Variants in EFNA5 observed in about 807,000 individuals in gnomAD.
EFNA5 encodes the protein ephrin A5.
In EFNA5, 5 loss-of-function variants were observed where a neutral mutation model predicts 22.9. The ratio of observed to expected loss-of-function variants is 0.22; its 90% CI spans 0.11 to 0.46. EFNA5 has a LOEUF of 0.46. Ranked by LOEUF, EFNA5 falls within the 20% of genes least tolerant of loss-of-function variation. The pLI is 0.99. For synonymous variants in EFNA5, 113 were observed against 112.2 expected (o/e 1.01, Z -0.04); for missense variants, 237 against 293.3 (o/e 0.81, Z 1.40).
intron 1 of EFNA5, among the ~76,000 whole-genome samples, chr5:107,460,345 CAT>C (rs1348651247): frequency 6.6e-6 from 1 of 152,096 alleles, no homozygotes; most frequent in Non-Finnish European, 1.5e-5. Context: ...ATTTCTGCTC[CAT>C]GTCTTCTATT....
At chr5:107,478,240 A>G (rs1750364204) in intron 1 of EFNA5, among the ~76,000 whole-genome samples, 1 of 152,204 alleles carries the variant, frequency 6.6e-6, no homozygotes, top group African/African-American at 2.4e-5. Context: ...ACGGAGAAAG[A>G]GGAGGCAGGC....
At chr5:107,450,450 A>G (rs1232144923) in intron 1 of EFNA5, among the ~76,000 whole-genome samples, 3 of 152,140 alleles carry the variant, frequency 2.0e-5, no homozygotes, top group Admixed American at 6.6e-5. Context: ...GTCGACTAAT[A>G]TTTTCTCCTC....
chr5:107,515,029 C>T (rs1444698396), intron 1 of EFNA5, among the ~76,000 whole-genome samples: 1 of 152,146 alleles, frequency 6.6e-6, no homozygotes, highest in East Asian at 1.9e-4. Context: ...GATGGCAGCT[C>T]CATCTTCCTT....
intron 2 of EFNA5, among the ~76,000 whole-genome samples, chr5:107,397,561 G>A (rs78536582): frequency 1.3e-5 from 2 of 151,888 alleles, no homozygotes; most frequent in African/African-American, 4.8e-5. Flanking sequence ...AAAAAAAAGG[G>A]TGGGGGTAAT....
chr5:107,511,705 C>T (rs1580504537), intron 1 of EFNA5, among the ~76,000 whole-genome samples: 2 of 152,004 alleles, frequency 1.3e-5, no homozygotes, highest in African/African-American at 4.8e-5. Context: ...AATAGCATAG[C>T]TCTAAATTCA....
intron 1 of EFNA5, among the ~76,000 whole-genome samples, chr5:107,509,601 G>A (rs889403046): frequency 1.3e-5 from 2 of 151,416 alleles, no homozygotes; most frequent in Admixed American, 1.3e-4. Flanking sequence ...AAAGTGCTGG[G>A]GTTACAGGCA....
At chr5:107,593,304 G>T (rs771193096) in intron 1 of EFNA5, among the ~76,000 whole-genome samples, 1 of 152,104 alleles carries the variant, frequency 6.6e-6, no homozygotes. Context: ...GCACAGGACC[G>T]GACTTCAGTA....
chr5:107,464,151 C>T (rs1032159527), intron 1 of EFNA5, among the ~76,000 whole-genome samples: 7 of 152,148 alleles, frequency 4.6e-5, no homozygotes, highest in Admixed American at 6.5e-5. Flanking sequence ...CACCCTGCCC[C>T]TAACCTCCTA....
intron 1 of EFNA5, among the ~76,000 whole-genome samples, chr5:107,638,858 A>T (rs1750442322): frequency 6.6e-6 from 1 of 152,090 alleles, no homozygotes; most frequent in Non-Finnish European, 1.5e-5. Context: ...ACAAAAAAAT[A>T]AGTATGTGAA....
chr5:107,637,496 C>CTG (rs61667880), intron 1 of EFNA5, among the ~76,000 whole-genome samples: 316 of 148,224 alleles, frequency 2.1e-3, no homozygotes, highest in African/African-American at 6.1e-3. Context: ...CAGCAAGGCA[C>CTG]TGTGTGTGTG....
chr5:107,594,896 C>G (rs1192005039), intron 1 of EFNA5, among the ~76,000 whole-genome samples: 6 of 152,208 alleles, frequency 3.9e-5, no homozygotes, highest in Admixed American at 6.5e-5. Flanking sequence ...TTCTCATGAC[C>G]TGGATACCAA....
intron 1 of EFNA5, among the ~76,000 whole-genome samples, chr5:107,502,936 G>A (rs1747167906): frequency 6.6e-6 from 1 of 152,160 alleles, no homozygotes; most frequent in Admixed American, 6.5e-5. Context: ...TCAACAGATG[G>A]TCTCTGGCTA....
chr5:107,406,144 T>C (rs188497610), intron 2 of EFNA5, among the ~76,000 whole-genome samples: 1 of 144,954 alleles, frequency 6.9e-6, no homozygotes, highest in East Asian at 2.0e-4. Flanking sequence ...TACAAATACA[T>C]GTATTTGTAT....
chr5:107,663,254 C>CA (rs1220647343), intron 1 of EFNA5, among the ~76,000 whole-genome samples: 4 of 151,884 alleles, frequency 2.6e-5, no homozygotes, highest in Non-Finnish European at 5.9e-5. Flanking sequence ...AACTGAAAGC[C>CA]AAAAAACAAG....
Position 107,380,592 on chromosome 5 carries a change from A to G in EFNA5, c.*663T>C, listed in dbSNP as rs919603342. ...AACCTGCCTCCTAGAAAAAAAAAAA[A>G]GGCTTCTTTTAGAGAGCACAAGTTT... is the stretch of plus-strand genomic sequence containing the variant. On this transcript the variant is annotated 3_prime_UTR_variant, in exon 5 of 5. Coordinates refer to ENST00000333274, the MANE Select transcript of EFNA5 (RefSeq NM_001962.3). The G allele has an allele frequency of 5.6e-6, 2 of 357,822 alleles. No individual in the cohort carries two copies. Among genetic ancestry groups the G allele is most frequent in the Admixed American group, 9.4e-5 (2 of 21,194 alleles). The allele number at this position is 357,822 out of a possible 1,614,324, so 22.2% of individuals were successfully genotyped here.
chr5:107,483,855 G>A (rs144129150), intron 1 of EFNA5, among the ~76,000 whole-genome samples: 41 of 152,300 alleles, frequency 2.7e-4, no homozygotes, highest in Middle Eastern at 6.8e-3. Context: ...TTATTCATCT[G>A]GTGGGTGATG....
intron 1 of EFNA5, among the ~76,000 whole-genome samples, chr5:107,487,367 C>A (rs570236536): frequency 2.4e-4 from 36 of 152,298 alleles, no homozygotes; most frequent in Middle Eastern, 3.4e-3. Flanking sequence ...TTGTTTAATC[C>A]CCTTCCAATG....
chr5:107,482,852 CTCTCTCTCTCTCTCTCTCTA>C (rs1561406354), intron 1 of EFNA5, among the ~76,000 whole-genome samples: 27 of 67,774 alleles, frequency 4.0e-4, no homozygotes, highest in African/African-American at 1.5e-3. Context: ...CTCTCTCTCT[CTCTCTCTCTCTCTCTCTCTA>C]TATATATATA....
At chr5:107,403,827 A>C (rs1475112685) in intron 2 of EFNA5, among the ~76,000 whole-genome samples, 2 of 152,202 alleles carry the variant, frequency 1.3e-5, no homozygotes. Context: ...ATTCCCTTGC[A>C]GTAGTATTTA....
Sources: gnomAD v4.1 joint callset for allele counts (sites outside exome capture counted in the v4.1 genomes callset) on GRCh38, gnomAD v4.1.1 for gene constraint, MANE v1.5 for transcripts, NCBI Gene and HGNC (gene_info 2026-07-23, HGNC 2026-07-21) for gene names.